Variants in PLCB3 observed in about 807,000 individuals in gnomAD.
The protein encoded by PLCB3 is 1-phosphatidylinositol 4,5-bisphosphate phosphodiesterase beta-3.
Under a neutral mutation model 152.1 loss-of-function variants are expected in PLCB3, and 54 were observed. That is an observed-to-expected ratio of 0.36 (90% CI 0.29 to 0.45). PLCB3 has a LOEUF of 0.45. PLCB3 is among the 20% of genes least tolerant of loss of function. The pLI, the probability that PLCB3 is intolerant of heterozygous loss-of-function variation, is 1.00. For missense variants in PLCB3, 1,248 were observed against 1,687.5 expected, an observed-to-expected ratio of 0.74 and a Z score of 4.56; for synonymous variants, 717 against 698.7, an observed-to-expected ratio of 1.03 and a Z score of -0.41.
In PLCB3 at chr11:64,254,274, C is replaced by A. The variant is rs1591099635; in HGVS notation, c.100-141C>A. 8 of 708,554 alleles carry A rather than the reference C, an allele frequency of 1.1e-5. No homozygotes were observed. In the East Asian group the frequency reaches 2.0e-4, roughly 17 times the overall value. The allele number at this position is 708,554 out of a possible 1,614,324, so 43.9% of individuals were successfully genotyped here. A position where few individuals can be genotyped will look rare whatever the true frequency, so the allele number is the denominator to read the frequency against. On this transcript the variant is annotated intron_variant, in intron 1 of 30. Transcript: ENST00000279230. The stretch of plus-strand genomic sequence containing the variant: ...CTTTGTTCTGAGGGCCACAGGCAGC[C>A]ACACAGGACCTGTGGACTGGATGAG...
rs776729629 is a variant in PLCB3, at chr11:64,256,472, G to A, written c.795G>A (p.Pro265=). The change falls in exon 9 of 31, where the codon CCG becomes CCA. Residue 265 remains proline, a synonymous_variant. Coordinates refer to ENST00000279230, the MANE Select transcript of PLCB3 (RefSeq NM_000932.5). The part of the protein sequence containing the change: ...RDPRLNEVLY[P]PLRPSQARLL... Reference sequence around the variant, plus strand: ...CGAGACTCAACGAAGTGCTGTACCCGCCCCTGCGGCCCTCCCAGGCCCGGC... The same window carrying A: ...CGAGACTCAACGAAGTGCTGTACCCACCCCTGCGGCCCTCCCAGGCCCGGC... 2.2e-5 allele frequency: 36 copies of A among 1,613,728 alleles called. 1 individual carries two copies. The highest frequency in any genetic ancestry group is 8.9e-5 in the East Asian group (4 of 44,888).
chr11:64,257,462 A>T (rs1356563374), intron 10 of PLCB3, among the ~76,000 whole-genome samples: 2 of 152,094 alleles, frequency 1.3e-5, no homozygotes, highest in African/African-American at 2.4e-5. Context: ...AATAATTTTT[A>T]AAAAATTAGC....
intron 14 of PLCB3, among the ~76,000 whole-genome samples, 154 bp from the exon 15 acceptor site, chr11:64,261,246 C>T (rs2031833163): frequency 6.6e-6 from 1 of 152,172 alleles, no homozygotes; most frequent in African/African-American, 2.4e-5. Flanking sequence ...GTCCAGGGCG[C>T]ATCAGTGAGA....
rs554380791 is a variant in PLCB3, at chr11:64,256,677, C to T, written c.925C>T (p.Pro309Ser). 6.2e-7 allele frequency: 1 copy of T among 1,614,180 alleles called. No individual in the cohort carries two copies. Among genetic ancestry groups the T allele is most frequent in the South Asian group, 1.1e-5 (1 of 91,090 alleles). ...GGGAGGCGAGGAGAATGGCATCCTG[C>T]CCCTGGAAGCCCTGGATCTGAGCAC... ...YLGGEENGIL[P>S]LEALDLSTDM... Residue 309 changes from proline (P) to serine (S), a missense_variant, in exon 10 of 31, where the codon CCC becomes TCC. This residue lies in a region of PLCB3 where 299 missense variants were observed against 434.7 expected (regional missense o/e 0.69). Transcript: ENST00000279230.
At position 64,265,099 on chromosome 11, in the gene PLCB3, G is replaced by A; in HGVS notation, c.2801G>A (p.Ser934Asn). ...TTSPASTSLS[S>N]PGQRDDLIAS... is the part of the protein sequence containing the mutation. ...TCCCCTGCCAGCACCTCCCTCAGCAGCCCAGGTAAGGAGTGGCCTGGGTCG... is the reference window on the plus strand; with the variant it reads ...TCCCCTGCCAGCACCTCCCTCAGCAACCCAGGTAAGGAGTGGCCTGGGTCG... Residue 934 changes from serine to asparagine, a missense_variant, in exon 23 of 31, where the codon AGC becomes AAC. Coordinates refer to ENST00000279230, the MANE Select transcript of PLCB3 (RefSeq NM_000932.5). The A allele has an allele frequency of 7.5e-7, 1 of 1,336,148 alleles. No individual in the cohort carries two copies. Among genetic ancestry groups the A allele is most frequent in the Non-Finnish European group, 9.9e-7 (1 of 1,012,780 alleles). 82.8% of individuals were successfully genotyped at this position (1,336,148 alleles called of 1,614,324 possible). A position where few individuals can be genotyped will look rare whatever the true frequency, so the allele number is the denominator to read the frequency against.
At position 64,265,038 on chromosome 11, in the gene PLCB3, G is replaced by A. The variant is rs906047792; in HGVS notation, c.2740G>A (p.Asp914Asn). 9 of 1,501,958 alleles carry A rather than the reference G, an allele frequency of 6.0e-6. No homozygotes were observed. In the African/African-American group the frequency reaches 1.4e-4, roughly 23 times the overall value. The allele number at this position is 1,501,958 out of a possible 1,614,324, so 93.0% of individuals were successfully genotyped here. Residue 914 changes from aspartate to asparagine, a missense_variant, in exon 23 of 31, where the codon GAT (aspartate) becomes AAT (asparagine). Physicochemically the swap from Asp to Asn is conservative, Grantham distance 23 (BLOSUM62 1). Transcript: ENST00000279230. ...CTCAAACCCCACCCCCAGCCCACTG[G>A]ATGCCTCCCCCCGCCGGCCCCCTGG... Reference protein sequence around the residue: ...PSSNPTPSPLDASPRRPPGPT... With the variant: ...PSSNPTPSPLNASPRRPPGPT...
intron 19 of PLCB3, among the ~76,000 whole-genome samples, 156 bp downstream of exon 19, chr11:64,262,964 G>A (rs1280437383): frequency 3.3e-5 from 5 of 152,180 alleles, no homozygotes; most frequent in South Asian, 2.1e-4. Context: ...CTGTCCGAGC[G>A]TCAGTCTCCC....
rs766584939 is a variant in PLCB3 at position 64,258,462 on chromosome 11, C to T, written c.1013-11C>T. ...GTGGGCGGCCTCGGTGACAGAGCCT[C>T]GCCGCCCCAGCGGGGCAGCTGGCTG... On this transcript the variant is annotated splice_polypyrimidine_tract_variant and intron_variant, in intron 10 of 30. Transcript: ENST00000279230. This position sits in a 1 kb window ranked among gnomAD's most constrained non-coding sequence, Gnocchi z 7.2. 3.1e-6 allele frequency: 5 copies of T among 1,609,980 alleles called. No homozygotes were observed. The highest frequency in any genetic ancestry group is 1.7e-5 in the Admixed American group (1 of 59,928).
chr11:64,256,673 C>T lies in PLCB3; in HGVS notation c.921C>T (p.Ile307=), dbSNP rs757039875. 3.7e-6 allele frequency: 6 copies of T among 1,614,122 alleles called. No individual in the cohort carries two copies. The Admixed American group carries it at 5.0e-5, about 13-fold the overall frequency. The change falls in exon 10 of 31, where the codon ATC becomes ATT. Residue 307 remains isoleucine (I), a synonymous_variant. Transcript: ENST00000279230. ...ACCTGGGAGGCGAGGAGAATGGCAT[C>T]CTGCCCCTGGAAGCCCTGGATCTGA... is the stretch of plus-strand genomic sequence containing the variant. ...SRYLGGEENG[I]LPLEALDLST... is the part of the protein sequence containing the mutation.
At position 64,254,753 on chromosome 11, in the gene PLCB3, G is replaced by A. The variant is rs1173571912; in HGVS notation, c.183G>A (p.Val61=). ...TGGCATCTGGTTCCCCCCAGGAGGTGGACACACTGGACATCAGTTCCATCA... is the reference window on the plus strand; with the variant it reads ...TGGCATCTGGTTCCCCCCAGGAGGTAGACACACTGGACATCAGTTCCATCA... The part of the protein sequence containing the change: ...FLYWTGPNME[V]DTLDISSIRD... The change falls in exon 3 of 31, where the codon GTG becomes GTA. Residue 61 remains valine (V), a synonymous_variant. Coordinates refer to ENST00000279230, the MANE Select transcript of PLCB3 (RefSeq NM_000932.5). 2 of 1,612,764 alleles carry A rather than the reference G, an allele frequency of 1.2e-6. No homozygotes were observed. The highest frequency in any genetic ancestry group is 3.3e-5 in the Admixed American group (2 of 60,004).
Position 64,261,856 on chromosome 11 carries a change from G to A in PLCB3, c.1914-96G>A, listed in dbSNP as rs758627348. Reference sequence around the variant, plus strand: ...ATGGCTAGGCTAAGAAACAGAGGCCGGGTGTGGGGGTCACAGGAGCACCTG... The same window carrying A: ...ATGGCTAGGCTAAGAAACAGAGGCCAGGTGTGGGGGTCACAGGAGCACCTG... On this transcript the variant is annotated intron_variant, in intron 16 of 30. Transcript: ENST00000279230. The A allele has an allele frequency of 2.5e-5, 38 of 1,547,224 alleles. No individual in the cohort carries two copies. In the East Asian group the frequency reaches 2.7e-4, roughly 11 times the overall value.
intron 17 of PLCB3, 115 bp downstream of exon 17, chr11:64,262,191 A>G (rs1170606530): frequency 1.4e-6 from 2 of 1,465,512 alleles, no homozygotes; most frequent in East Asian, 2.3e-5. Flanking sequence ...CCCAGATCCC[A>G]GGGGAACCCA....
chr11:64,261,925 T>C (rs769033853), intron 16 of PLCB3, 27 bp from the exon 17 acceptor site: 2 of 1,613,384 alleles, frequency 1.2e-6, no homozygotes, highest in Non-Finnish European at 1.7e-6. Context: ...CCCTGGCACC[T>C]GTGTGGCCCC....
In PLCB3 at chr11:64,267,778, T is replaced by A; in HGVS notation, c.*222T>A. 1 of 506,430 alleles carries A rather than the reference T, an allele frequency of 2.0e-6. No homozygotes were observed. The highest frequency in any genetic ancestry group is 3.5e-6 in the Non-Finnish European group (1 of 288,536). 31.4% of individuals were successfully genotyped at this position (506,430 alleles called of 1,614,324 possible). A position where few individuals can be genotyped will look rare whatever the true frequency, so the allele number is the denominator to read the frequency against. On this transcript the variant is annotated 3_prime_UTR_variant, in exon 31 of 31. Transcript: ENST00000279230. This position sits in a 1 kb window ranked among gnomAD's most constrained non-coding sequence, Gnocchi z 5.2. ...GCCTTGGTCAGGGCTTTGCTCCCTG[T>A]GACACCCACACCCTCGAGCTAGCAG...
rs1591119619 is a variant in PLCB3, at chr11:64,267,816, T to G, written c.*260T>G. 3 of 433,364 alleles carry G rather than the reference T, an allele frequency of 6.9e-6. No individual in the cohort carries two copies. Among genetic ancestry groups the G allele is most frequent in the East Asian group, 3.7e-5 (1 of 27,352 alleles). 26.8% of individuals were successfully genotyped at this position (433,364 alleles called of 1,614,324 possible). A position where few individuals can be genotyped will look rare whatever the true frequency, so the allele number is the denominator to read the frequency against. Reference sequence around the variant, plus strand: ...CTCGAGCTAGCAGCGTCTCCTCCCTTCCCCGGGAGAGCTGGCTGGAGACTT... The same window carrying G: ...CTCGAGCTAGCAGCGTCTCCTCCCTGCCCCGGGAGAGCTGGCTGGAGACTT... On this transcript the variant is annotated 3_prime_UTR_variant, in exon 31 of 31. Transcript: ENST00000279230. The surrounding 1 kb of genome is among the most constrained non-coding windows in gnomAD (Gnocchi z 5.2).
Position 64,255,583 on chromosome 11 carries a change from T to G in PLCB3, c.564T>G (p.Thr188=). Residue 188 remains threonine (T), a synonymous_variant, in exon 7 of 31, where the codon ACT becomes ACG. Transcript: ENST00000279230. The surrounding 1 kb of genome is among the most constrained non-coding windows in gnomAD (Gnocchi z 6.8). ...MFSADKKRVE[T]ALESCGLKFN... ...CAGCAGACAAGAAGCGGGTGGAGACTGCGCTGGAATCCTGTGGCCTCAAAT... is the reference window on the plus strand; with the variant it reads ...CAGCAGACAAGAAGCGGGTGGAGACGGCGCTGGAATCCTGTGGCCTCAAAT... The G allele has an allele frequency of 7.3e-7, 1 of 1,374,390 alleles. No homozygotes were observed. Among genetic ancestry groups the G allele is most frequent in the East Asian group, 4.5e-5 (1 of 22,140 alleles). 85.1% of individuals were successfully genotyped at this position (1,374,390 alleles called of 1,614,324 possible).
At chr11:64,265,256 G>A (rs1264143678) in intron 24 of PLCB3, 29 bp downstream of exon 24, 1 of 1,590,534 alleles carries the variant, frequency 6.3e-7, no homozygotes, top group East Asian at 2.3e-5. Context: ...GGAGGCAGGG[G>A]GCTGCCTTGC....
At chr11:64,252,487 C>T (rs1197420228) in intron 1 of PLCB3, among the ~76,000 whole-genome samples, 2 of 152,228 alleles carry the variant, frequency 1.3e-5, no homozygotes, top group Non-Finnish European at 2.9e-5. Flanking sequence ...GGTGCATCCT[C>T]TTCTGCCCCC....
At chr11:64,263,286 GC>G (rs2031947400) in intron 19 of PLCB3, 2 of 556,966 alleles carry the variant, frequency 3.6e-6, no homozygotes, top group South Asian at 4.7e-5. Context: ...CTGTCATCTT[GC>G]CTCAGGGTCC....
Sources: gnomAD v4.1 joint callset for allele counts (sites outside exome capture counted in the v4.1 genomes callset) on GRCh38, gnomAD v4.1.1 for gene constraint, gnomAD v4.1.1 regional missense constraint, Gnocchi (gnomAD v3.1) non-coding constraint, MANE v1.5 for transcripts, NCBI Gene and HGNC (gene_info 2026-07-23, HGNC 2026-07-21) for gene names.